Variants in CFAP299 observed in about 807,000 individuals in gnomAD.
CFAP299 encodes the protein cilia and flagella associated protein 299, also known as cilia- and flagella-associated protein 299.
Under a neutral mutation model 27.0 loss-of-function variants are expected in CFAP299, and 21 were observed. That is an observed-to-expected ratio of 0.78 (90% CI 0.55 to 1.12). The LOEUF (loss-of-function observed/expected upper bound fraction) is 1.12, where lower values mean the gene tolerates loss of function less well. Among genes scored for constraint, CFAP299 ranks in the 50% most tolerant of loss-of-function variants. The probability of loss-of-function intolerance (pLI) is 0.00; values close to 1 mark genes in which losing one functional copy is unlikely to be tolerated. For missense variants in CFAP299, 310 were observed against 276.6 expected, an observed-to-expected ratio of 1.12 and a Z score of -0.86; for synonymous variants, 104 against 98.1, an observed-to-expected ratio of 1.06 and a Z score of -0.36.
At chr4:80,415,620 T>C (rs1220168239) in intron 2 of CFAP299, among the ~76,000 whole-genome samples, 1 of 152,156 alleles carries the variant, frequency 6.6e-6, no homozygotes, top group African/African-American at 2.4e-5. Context: ...AGTTAATGTA[T>C]ATATTTATGC....
chr4:80,354,769 G>A (rs1257073910), intron 1 of CFAP299, among the ~76,000 whole-genome samples: 1 of 151,844 alleles, frequency 6.6e-6, no homozygotes, highest in East Asian at 1.9e-4. Context: ...AATAACATGT[G>A]GTATTTGATT....
chr4:80,381,911 A>G (rs1042340446), intron 2 of CFAP299, among the ~76,000 whole-genome samples: 10 of 151,748 alleles, frequency 6.6e-5, no homozygotes, highest in African/African-American at 1.5e-4. Context: ...TCTTCCTTCT[A>G]TCTATCAGCT....
intron 4 of CFAP299, among the ~76,000 whole-genome samples, chr4:80,938,060 C>T (rs1737003214): frequency 6.6e-6 from 1 of 152,186 alleles, no homozygotes; most frequent in South Asian, 2.1e-4. Context: ...TCCCTATTTA[C>T]ACCTGTTTAT....
intron 2 of CFAP299, among the ~76,000 whole-genome samples, chr4:80,483,905 A>C (rs1730685489): frequency 6.6e-6 from 1 of 152,142 alleles, no homozygotes; most frequent in Non-Finnish European, 1.5e-5. Flanking sequence ...GTAACATTTG[A>C]CTTTTTAGCA....
chr4:80,438,275 C>A (rs1045313316), intron 2 of CFAP299, among the ~76,000 whole-genome samples: 1 of 152,050 alleles, frequency 6.6e-6, no homozygotes, highest in Non-Finnish European at 1.5e-5. Context: ...CTGTTTGGTG[C>A]AGGTTTGATG....
intron 3 of CFAP299, among the ~76,000 whole-genome samples, chr4:80,789,017 G>A (rs766750552): frequency 9.2e-5 from 14 of 152,032 alleles, no homozygotes; most frequent in Admixed American, 1.3e-4. Context: ...GTCACTTGAG[G>A]GTTGCTGAAA....
intron 3 of CFAP299, among the ~76,000 whole-genome samples, chr4:80,795,502 A>G (rs561438426): frequency 1.3e-5 from 2 of 152,236 alleles, no homozygotes; most frequent in South Asian, 2.1e-4. Flanking sequence ...AGGCCCTAGT[A>G]TTCTCTTCCT....
At chr4:80,596,731 T>C (rs1397780945) in intron 3 of CFAP299, among the ~76,000 whole-genome samples, 1 of 152,160 alleles carries the variant, frequency 6.6e-6, no homozygotes, top group African/African-American at 2.4e-5. Context: ...CAAATAAGCC[T>C]TACGTATGTC....
chr4:80,516,447 C>T (rs532806249), intron 2 of CFAP299, among the ~76,000 whole-genome samples: 1 of 152,092 alleles, frequency 6.6e-6, no homozygotes, highest in Admixed American at 6.6e-5. Flanking sequence ...GTGACAGCCT[C>T]AGGAAGTTTA....
chr4:80,747,887 T>C (rs940753193), intron 3 of CFAP299, among the ~76,000 whole-genome samples: 1 of 152,102 alleles, frequency 6.6e-6, no homozygotes, highest in Non-Finnish European at 1.5e-5. Context: ...CTATTTATAC[T>C]TTCAGATCAA....
upstream of CFAP299, among the ~76,000 whole-genome samples, chr4:80,332,172 G>T (rs1578322598): frequency 2.0e-5 from 3 of 152,178 alleles, no homozygotes; most frequent in Admixed American, 6.5e-5. Context: ...TGTCATAATT[G>T]ACTTTGGTGA....
At chr4:80,607,668 A>G (rs1737749092) in intron 3 of CFAP299, among the ~76,000 whole-genome samples, 1 of 152,180 alleles carries the variant, frequency 6.6e-6, no homozygotes, top group South Asian at 2.1e-4. Context: ...GTTATTTTCC[A>G]TAAAGTCAAA....
At chr4:80,392,787 T>A (rs1725559301) in intron 2 of CFAP299, among the ~76,000 whole-genome samples, 1 of 152,206 alleles carries the variant, frequency 6.6e-6, no homozygotes, top group Admixed American at 6.5e-5. Flanking sequence ...AAGTGTAGCA[T>A]ATATAATTGT....
chr4:80,577,199 A>G (rs1406878722), intron 2 of CFAP299, among the ~76,000 whole-genome samples: 1 of 152,172 alleles, frequency 6.6e-6, no homozygotes, highest in Non-Finnish European at 1.5e-5. Flanking sequence ...AATAAAACTG[A>G]ATACCAACTG....
intron 3 of CFAP299, among the ~76,000 whole-genome samples, chr4:80,784,447 A>T (rs1727120587): frequency 6.6e-6 from 1 of 151,984 alleles, no homozygotes; most frequent in Non-Finnish European, 1.5e-5. Context: ...ATGACTAGTG[A>T]TATTGAATGC....
chr4:80,461,822 C>T (rs1277048213), intron 2 of CFAP299, among the ~76,000 whole-genome samples: 1 of 152,158 alleles, frequency 6.6e-6, no homozygotes, highest in Non-Finnish European at 1.5e-5. Flanking sequence ...CTATGAACTT[C>T]CTCACTTGGA....
chr4:80,336,742 A>C (rs987484095), intron 1 of CFAP299: 1 of 152,200 alleles, frequency 6.6e-6, no homozygotes, highest in Non-Finnish European at 1.5e-5. Context: ...CTGAATGGAC[A>C]CTCACCTGGA....
intron 3 of CFAP299, among the ~76,000 whole-genome samples, chr4:80,787,050 A>T (rs2110095823): frequency 6.6e-6 from 1 of 151,932 alleles, no homozygotes; most frequent in South Asian, 2.1e-4. Flanking sequence ...TTAGAAAATA[A>T]TACTCTCAAC....
chr4:80,723,590 G>A (rs1722967466), intron 3 of CFAP299, among the ~76,000 whole-genome samples: 1 of 152,036 alleles, frequency 6.6e-6, no homozygotes, highest in South Asian at 2.1e-4. Flanking sequence ...GAGGTGAGAA[G>A]AAGATACATT....
Sources: allele counts gnomAD v4.1 joint callset (sites outside exome capture counted in the v4.1 genomes callset), GRCh38; gene constraint gnomAD v4.1.1; transcripts MANE v1.5; gene names NCBI Gene and HGNC (gene_info 2026-07-23, HGNC 2026-07-21).